VPS41: variants seen among roughly 807,000 people sequenced by gnomAD.
VPS41 encodes VPS41 subunit of HOPS complex.
Under a neutral mutation model 130.9 loss-of-function variants are expected in VPS41, and 85 were observed. The observed-to-expected ratio is 0.65, with a 90% CI of 0.55 to 0.78. The LOEUF is 0.78. Among genes scored for constraint, VPS41 ranks in the 30% least tolerant of loss-of-function variants. VPS41 has a pLI of 0.00. For synonymous variants in VPS41, 335 were observed against 332.9 expected (o/e 1.01, Z -0.07); for missense variants, 874 against 1,018.7 (o/e 0.86, Z 1.93).
At chr7:38,803,353 A>G (rs1444994310) in intron 7 of VPS41, among the ~76,000 whole-genome samples, 1 of 152,184 alleles carries the variant, frequency 6.6e-6, no homozygotes, top group Non-Finnish European at 1.5e-5. Flanking sequence ...CAGGCTTCCT[A>G]AATACTGACC....
At chr7:38,807,438 C>A (rs1160738211) in intron 7 of VPS41, among the ~76,000 whole-genome samples, 1 of 152,032 alleles carries the variant, frequency 6.6e-6, no homozygotes, top group Non-Finnish European at 1.5e-5. Context: ...GGCTTAAAGA[C>A]AAATAAAGGA....
At chr7:38,854,761 C>T (rs1290345490) in intron 4 of VPS41, among the ~76,000 whole-genome samples, 1 of 151,252 alleles carries the variant, frequency 6.6e-6, no homozygotes, top group African/African-American at 2.4e-5. Flanking sequence ...ATAAATTACA[C>T]AAACTGTCCT....
intron 9 of VPS41, among the ~76,000 whole-genome samples, chr7:38,790,780 T>C (rs761245627): frequency 1.3e-5 from 2 of 152,184 alleles, no homozygotes; most frequent in African/African-American, 2.4e-5. Flanking sequence ...TGAGGGATGA[T>C]TGCCTTTTAT....
In VPS41 at chr7:38,885,235, G is replaced by A. The variant is rs147032664; in HGVS notation, c.60+12856C>T. Among the ~76,000 whole-genome samples, 786 of 152,146 alleles carry A rather than the reference G, an allele frequency of 5.2e-3. 7 individuals carry two copies. Among genetic ancestry groups the A allele is most frequent in the African/African-American group, 0.018 (733 of 41,520 alleles). On this transcript the variant is annotated intron_variant, in intron 2 of 28. Transcript: ENST00000310301. ...ATTACAGGCGCATGCCACTATGCCC[G>A]GCTGATTTTTTGTATTTTTAGTAGA...
In VPS41 at chr7:38,776,791, G is replaced by A. The variant is rs761649044; in HGVS notation, c.785-15C>T. On this transcript the variant is annotated splice_polypyrimidine_tract_variant and intron_variant, in intron 10 of 28. Coordinates refer to ENST00000310301, the MANE Select transcript of VPS41 (RefSeq NM_014396.4). Reference sequence around the variant, plus strand: ...AAACTGAGACACTGCAAACAAAAGGGATACAGGAGTCATCATCAACAGGGG... The same window carrying A: ...AAACTGAGACACTGCAAACAAAAGGAATACAGGAGTCATCATCAACAGGGG... 4 of 1,493,056 alleles carry A rather than the reference G, an allele frequency of 2.7e-6. No homozygotes were observed. The highest frequency in any genetic ancestry group is 3.7e-6 in the Non-Finnish European group (4 of 1,071,272). 92.5% of individuals were successfully genotyped at this position (1,493,056 alleles called of 1,614,324 possible). A position where few individuals can be genotyped will look rare whatever the true frequency, so the allele number is the denominator to read the frequency against.
chr7:38,757,895 G>A, intron 18 of VPS41, among the ~76,000 whole-genome samples: 1 of 152,106 alleles, frequency 6.6e-6, no homozygotes, highest in East Asian at 1.9e-4. Flanking sequence ...TATTAACCAA[G>A]CTGCCATTTT....
chr7:38,896,579 T>TA (rs1158473106), intron 2 of VPS41, among the ~76,000 whole-genome samples: 4 of 152,230 alleles, frequency 2.6e-5, no homozygotes, highest in African/African-American at 2.4e-5. Context: ...CAGCTATTGT[T>TA]AGTGTATTTT....
intron 4 of VPS41, among the ~76,000 whole-genome samples, chr7:38,832,319 CTTTTTTT>C (rs543207806): frequency 1.7e-5 from 2 of 114,744 alleles, no homozygotes; most frequent in Non-Finnish European, 3.5e-5. Context: ...TTCTTTCTTT[CTTTTTTT>C]TTTTTTTTTT....
intron 4 of VPS41, among the ~76,000 whole-genome samples, chr7:38,843,978 A>T (rs1409866784): frequency 6.6e-6 from 1 of 152,236 alleles, no homozygotes; most frequent in Non-Finnish European, 1.5e-5. Context: ...TCTACTATAT[A>T]TTTATACTTT....
At chr7:38,780,612 G>A (rs775964950) in intron 10 of VPS41, among the ~76,000 whole-genome samples, 3 of 152,148 alleles carry the variant, frequency 2.0e-5, no homozygotes, top group Non-Finnish European at 4.4e-5. Flanking sequence ...TCATCCAAAA[G>A]GGAGGCTAGA....
chr7:38,761,726 G>A (rs71548636), intron 17 of VPS41, among the ~76,000 whole-genome samples: 25 of 152,056 alleles, frequency 1.6e-4, no homozygotes, highest in Non-Finnish European at 2.9e-4. Context: ...GAATAGCTGA[G>A]AGTACAGGCA....
At chr7:38,801,395 T>C (rs1042090603) in intron 7 of VPS41, among the ~76,000 whole-genome samples, 1 of 152,238 alleles carries the variant, frequency 6.6e-6, no homozygotes, top group African/African-American at 2.4e-5. Context: ...TTACAAGTTT[T>C]GACAGGATTC....
At chr7:38,827,334 T>C (rs1463833287) in intron 5 of VPS41, among the ~76,000 whole-genome samples, 2 of 151,968 alleles carry the variant, frequency 1.3e-5, no homozygotes, top group Non-Finnish European at 2.9e-5. Flanking sequence ...AGGCTAAAAA[T>C]GAGAAAGCAA....
chr7:38,732,507 A>C (rs1308602039), intron 25 of VPS41, among the ~76,000 whole-genome samples: 1 of 152,218 alleles, frequency 6.6e-6, no homozygotes, highest in Non-Finnish European at 1.5e-5. Context: ...ATTAATTTCC[A>C]TGAAAAATTC....
intron 1 of VPS41, among the ~76,000 whole-genome samples, chr7:38,903,739 T>C (rs1787193840): frequency 6.6e-6 from 1 of 152,178 alleles, no homozygotes; most frequent in Non-Finnish European, 1.5e-5. Flanking sequence ...ATATCCCTGT[T>C]GTCACAGAGC....
rs544848848 is a variant in VPS41, at chr7:38,810,064, G to C, written c.450+7753C>G. Among the ~76,000 whole-genome samples the C allele has an allele frequency of 2.7e-5, 4 of 150,526 alleles. No individual in the cohort carries two copies. In the East Asian group the frequency reaches 7.8e-4, roughly 29 times the overall value. On this transcript the variant is annotated intron_variant, in intron 7 of 28. Transcript: ENST00000310301. ...AATTCATTGGTTCACGTGTTTGAAA[G>C]CTCTCTCCAATGGCACTTTTAAGAG...
chr7:38,753,810 G>A (rs1399908886), intron 21 of VPS41, among the ~76,000 whole-genome samples: 1 of 152,062 alleles, frequency 6.6e-6, no homozygotes, highest in Non-Finnish European at 1.5e-5. Flanking sequence ...TAGCATCTGA[G>A]CAAAAGAGAA....
chr7:38,744,284 GACA>G (rs774183593), intron 23 of VPS41, among the ~76,000 whole-genome samples: 2 of 152,120 alleles, frequency 1.3e-5, no homozygotes, highest in Non-Finnish European at 2.9e-5. Flanking sequence ...TCAGTGGAGG[GACA>G]ACAACTGCCT....
rs1300864373 is a variant in VPS41 at position 38,832,377 on chromosome 7, C to CGG, written c.247-2051_247-2050dup. ...GCTCTGTCACCAGGCTACAGTGCAG[C>CGG]GGCACAATCTCAGCTCACTGCAACC... On this transcript the variant is annotated intron_variant, in intron 4 of 28. Transcript: ENST00000310301. Among the ~76,000 whole-genome samples, 6 of 141,522 alleles carry CGG rather than the reference C, an allele frequency of 4.2e-5. No individual in the cohort carries two copies. The East Asian group carries it at 1.0e-3, about 24-fold the overall frequency. 92.8% of individuals were successfully genotyped at this position (141,522 alleles called of 152,430 possible).
Sources: gnomAD v4.1 joint callset for allele counts (sites outside exome capture counted in the v4.1 genomes callset) on GRCh38, gnomAD v4.1.1 for gene constraint, MANE v1.5 for transcripts, NCBI Gene and HGNC (gene_info 2026-07-23, HGNC 2026-07-21) for gene names.